Variants in FUCA2 observed in about 807,000 individuals in gnomAD.
FUCA2 encodes the protein plasma alpha-L-fucosidase.
FUCA2 carries 41 observed loss-of-function variants against 52.6 expected under a neutral mutation model. The observed-to-expected ratio is 0.78, with a 90% CI of 0.61 to 1.01. The LOEUF is 1.01. Ranked by LOEUF, FUCA2 falls within the 50% of genes least tolerant of loss-of-function variation. The pLI, the probability that FUCA2 is intolerant of heterozygous loss-of-function variation, is 0.00. For missense variants in FUCA2, 507 were observed against 569.5 expected (o/e 0.89, Z 1.12); for synonymous variants, 211 against 217.3 (o/e 0.97, Z 0.26).
At position 143,502,660 on chromosome 6, in the gene FUCA2, CT is replaced by C. The variant is rs1780547193; in HGVS notation, c.753-96del. On this transcript the variant is annotated intron_variant, in intron 3 of 6. Coordinates refer to ENST00000002165, the MANE Select transcript of FUCA2 (RefSeq NM_032020.5). The surrounding 1 kb of genome is among the most constrained non-coding windows in gnomAD (Gnocchi z 4.1). ...AAAGACATGTAATTGAAATACAATT[CT>C]GAAAAGGGACCATGGCATAGTACAG... The C allele has an allele frequency of 3.7e-6, 4 of 1,070,056 alleles. No homozygotes were observed. Among genetic ancestry groups the C allele is most frequent in the Non-Finnish European group, 5.4e-6 (4 of 738,354 alleles). The allele number at this position is 1,070,056 out of a possible 1,614,324, so 66.3% of individuals were successfully genotyped here. A position where few individuals can be genotyped will look rare whatever the true frequency, so the allele number is the denominator to read the frequency against.
Position 143,497,394 on chromosome 6 carries a change from T to C in FUCA2, c.1258A>G (p.Thr420Ala). 3 of 1,604,984 alleles carry C rather than the reference T, an allele frequency of 1.9e-6. No homozygotes were observed. The highest frequency in any genetic ancestry group is 1.1e-5 in the South Asian group (1 of 90,908). The change falls in exon 6 of 7, where the codon ACA becomes GCA. Residue 420 changes from threonine (T) to alanine (A), a missense_variant. Thr to Ala is a moderately conservative substitution (Grantham distance 58, BLOSUM62 0). Coordinates refer to ENST00000002165, the MANE Select transcript of FUCA2 (RefSeq NM_032020.5). The surrounding 1 kb of genome is among the most constrained non-coding windows in gnomAD (Gnocchi z 5.3). ...LGHPKAILGA[T>A]EVKLLGHGQP... is the part of the protein sequence containing the mutation. Reference sequence around the variant, plus strand: ...AAGGTAAAATTCCCTCTTACCTCTGTTGCCCCCAGAATAGCTTTGGGATGG... The same window carrying C: ...AAGGTAAAATTCCCTCTTACCTCTGCTGCCCCCAGAATAGCTTTGGGATGG...
rs554502913 is a variant in FUCA2, at chr6:143,509,103, T to C, written c.225-1679A>G. 6.6e-6 allele frequency among the ~76,000 whole-genome samples: 1 copy of C among 152,302 alleles called. No homozygotes were observed. Among genetic ancestry groups the C allele is most frequent in the East Asian group, 1.9e-4 (1 of 5,190 alleles). On this transcript the variant is annotated intron_variant, in intron 1 of 6. Coordinates refer to ENST00000002165, the MANE Select transcript of FUCA2 (RefSeq NM_032020.5). The surrounding 1 kb of genome is among the most constrained non-coding windows in gnomAD (Gnocchi z 5.4). ...AGAAAGTTGAACAAGAATAAGGAAT[T>C]TCTCCTAGCATCATCTAATTTGAAC... is the stretch of plus-strand genomic sequence containing the variant.
Position 143,497,138 on chromosome 6 carries a change from A to T in FUCA2, c.1263+251T>A, listed in dbSNP as rs1562662940. The stretch of plus-strand genomic sequence containing the variant: ...CCATGCTCAGCTAACTTTAAAAAAA[A>T]TTTTTGTAGACAGGGGTCTTGCTAT... On this transcript the variant is annotated intron_variant, in intron 6 of 6. Transcript: ENST00000002165. The surrounding 1 kb of genome is among the most constrained non-coding windows in gnomAD (Gnocchi z 5.3). 3 of 393,272 alleles carry T rather than the reference A, an allele frequency of 7.6e-6. No homozygotes were observed. The South Asian group carries it at 8.8e-5, about 12-fold the overall frequency. The allele number at this position is 393,272 out of a possible 1,614,324, so 24.4% of individuals were successfully genotyped here.
rs117472393 is a variant in FUCA2, at chr6:143,502,680, A to G, written c.753-115T>C. On this transcript the variant is annotated intron_variant, in intron 3 of 6. Coordinates refer to ENST00000002165, the MANE Select transcript of FUCA2 (RefSeq NM_032020.5). The surrounding 1 kb of genome is among the most constrained non-coding windows in gnomAD (Gnocchi z 4.1). ...CAATTCTGAAAAGGGACCATGGCAT[A>G]GTACAGTGGAAAGCCCATGGTTTTG... 14,601 of 865,584 alleles carry G rather than the reference A, an allele frequency of 0.017. 593 individuals are homozygous for G. The highest frequency in any genetic ancestry group is 0.099 in the Admixed American group (3,598 of 36,318). The allele number at this position is 865,584 out of a possible 1,614,324, so 53.6% of individuals were successfully genotyped here.
rs895297096 is a variant in FUCA2 at position 143,497,144 on chromosome 6, G to A, written c.1263+245C>T. 2 of 400,200 alleles carry A rather than the reference G, an allele frequency of 5.0e-6. No homozygotes were observed. The highest frequency in any genetic ancestry group is 7.7e-5 in the Admixed American group (2 of 25,864). The allele number at this position is 400,200 out of a possible 1,614,324, so 24.8% of individuals were successfully genotyped here. On this transcript the variant is annotated intron_variant, in intron 6 of 6. Coordinates refer to ENST00000002165, the MANE Select transcript of FUCA2 (RefSeq NM_032020.5). This position sits in a 1 kb window ranked among gnomAD's most constrained non-coding sequence, Gnocchi z 5.3. ...TCAGCTAACTTTAAAAAAAATTTTT[G>A]TAGACAGGGGTCTTGCTATGTTGCC...
At chr6:143,506,113 T>C (rs1780602962) in intron 2 of FUCA2, 1 of 151,616 alleles carries the variant, frequency 6.6e-6, no homozygotes, top group Admixed American at 6.6e-5. Context: ...TATCCTATGA[T>C]CATTCCAGAT....
rs57091762 is a variant in FUCA2 at position 143,510,638 on chromosome 6, C to CAAA, written c.224+770_224+772dup. ...TGGGTGACAGAATGAGACTATGTCT[C>CAAA]AAAAAAAAAAAAAAAAGAATATATT... On this transcript the variant is annotated intron_variant, in intron 1 of 6. Transcript: ENST00000002165. This position sits in a 1 kb window ranked among gnomAD's most constrained non-coding sequence, Gnocchi z 4.4. Among the ~76,000 whole-genome samples the CAAA allele has an allele frequency of 6.1e-4, 47 of 77,116 alleles. No homozygotes were observed. Among genetic ancestry groups the CAAA allele is most frequent in the African/African-American group, 1.9e-3 (45 of 23,316 alleles). 50.6% of individuals were successfully genotyped at this position (77,116 alleles called of 152,430 possible).
At position 143,507,495 on chromosome 6, in the gene FUCA2, C is replaced by T; in HGVS notation, c.225-71G>A. 9.0e-7 allele frequency: 1 copy of T among 1,110,050 alleles called. No individual in the cohort carries two copies. The highest frequency in any genetic ancestry group is 1.6e-5 in the South Asian group (1 of 60,782). The allele number at this position is 1,110,050 out of a possible 1,614,324, so 68.8% of individuals were successfully genotyped here. ...TATTTAAAAGAACTGCTCCAGCTCC[C>T]CTTACCATTTACCCCTCACACAGAT... On this transcript the variant is annotated intron_variant, in intron 1 of 6. Coordinates refer to ENST00000002165, the MANE Select transcript of FUCA2 (RefSeq NM_032020.5). This position sits in a 1 kb window ranked among gnomAD's most constrained non-coding sequence, Gnocchi z 4.5.
Position 143,502,190 on chromosome 6 carries a change from C to G in FUCA2, c.964-68G>C. ...CCATCTTTAATGTGCTAATATGTTGCATTTATATATTTATACATGTATATA... is the reference window on the plus strand; with the variant it reads ...CCATCTTTAATGTGCTAATATGTTGGATTTATATATTTATACATGTATATA... On this transcript the variant is annotated intron_variant, in intron 4 of 6. Coordinates refer to ENST00000002165, the MANE Select transcript of FUCA2 (RefSeq NM_032020.5). The surrounding 1 kb of genome is among the most constrained non-coding windows in gnomAD (Gnocchi z 4.1). 3 of 1,376,240 alleles carry G rather than the reference C, an allele frequency of 2.2e-6. No individual in the cohort carries two copies. In the South Asian group the frequency reaches 4.2e-5, roughly 19 times the overall value. The allele number at this position is 1,376,240 out of a possible 1,614,324, so 85.3% of individuals were successfully genotyped here.
chr6:143,504,142 G>A lies in FUCA2; in HGVS notation c.523C>T (p.Leu175=), dbSNP rs1485833687. 1.2e-6 allele frequency: 2 copies of A among 1,614,050 alleles called. No homozygotes were observed. Among genetic ancestry groups the A allele is most frequent in the Non-Finnish European group, 1.7e-6 (2 of 1,180,040 alleles). The change falls in exon 3 of 7, where the codon CTG becomes TTG. Residue 175 remains leucine, a synonymous_variant. Transcript: ENST00000002165. The surrounding 1 kb of genome is among the most constrained non-coding windows in gnomAD (Gnocchi z 4.4). ...LEVAIRNRTD[L]RFGLYYSLFE... is the part of the protein sequence containing the mutation. ...AGGGAATAGTACAGTCCAAAACGCA[G>A]GTCAGTTCTGTTCCTAATGGCTACC...
intron 1 of FUCA2, among the ~76,000 whole-genome samples, chr6:143,508,922 C>T (rs1245028078): frequency 6.6e-6 from 1 of 152,068 alleles, no homozygotes; most frequent in African/African-American, 2.4e-5. Flanking sequence ...CAGGGTCTTG[C>T]TCCATTACCC....
chr6:143,498,987 A>T (rs926245685), intron 5 of FUCA2, among the ~76,000 whole-genome samples: 3 of 152,274 alleles, frequency 2.0e-5, no homozygotes, highest in Non-Finnish European at 4.4e-5. Flanking sequence ...AGGGGAAACT[A>T]AGGGCTTCAA....
chr6:143,504,309 C>T lies in FUCA2; in HGVS notation c.413-57G>A, dbSNP rs1780571249. ...ATGTCAACTTTATTTTAGTAAATTT[C>T]AACCCACACAAATGCCCAAACAAAT... On this transcript the variant is annotated intron_variant, in intron 2 of 6. Coordinates refer to ENST00000002165, the MANE Select transcript of FUCA2 (RefSeq NM_032020.5). This position sits in a 1 kb window ranked among gnomAD's most constrained non-coding sequence, Gnocchi z 4.4. 7.0e-7 allele frequency: 1 copy of T among 1,426,764 alleles called. No homozygotes were observed. The highest frequency in any genetic ancestry group is 1.4e-5 in the African/African-American group (1 of 70,354). The allele number at this position is 1,426,764 out of a possible 1,614,324, so 88.4% of individuals were successfully genotyped here. A position where few individuals can be genotyped will look rare whatever the true frequency, so the allele number is the denominator to read the frequency against.
At chr6:143,496,919 A>G (rs1780468076) in intron 6 of FUCA2, 1 of 152,750 alleles carries the variant, frequency 6.5e-6, no homozygotes, top group Non-Finnish European at 1.5e-5. Flanking sequence ...GTTTTCTGGG[A>G]AACAAAAAGT....
At position 143,507,395 on chromosome 6, in the gene FUCA2, T is replaced by G; in HGVS notation, c.254A>C (p.Lys85Thr). 1 of 1,601,750 alleles carries G rather than the reference T, an allele frequency of 6.2e-7. No individual in the cohort carries two copies. Among genetic ancestry groups the G allele is most frequent in the Non-Finnish European group, 8.5e-7 (1 of 1,176,962 alleles). ...ATTATCTTTCATAAATTCCACATAC[T>G]TCGGTATCTTTTCCTTTTGCCAATA... ...WWYWQKEKIP[K>T]YVEFMKDNYP... Residue 85 changes from lysine to threonine, a missense_variant, in exon 2 of 7, where the codon AAG becomes ACG. Lys to Thr is a moderately conservative substitution (Grantham distance 78). Transcript: ENST00000002165. The surrounding 1 kb of genome is among the most constrained non-coding windows in gnomAD (Gnocchi z 4.5).
At position 143,504,252 on chromosome 6, in the gene FUCA2, C is replaced by A. The variant is rs1317243238; in HGVS notation, c.413G>T (p.Gly138Val). 5.6e-6 allele frequency: 9 copies of A among 1,603,874 alleles called. No individual in the cohort carries two copies. In the Admixed American group the frequency reaches 1.4e-4, roughly 25 times the overall value. Reference sequence around the variant, plus strand: ...ATATTCTGACCCCCACAAGGTAAAGCCTAGAAAATTATAGTGAAAACCCTT... The same window carrying A: ...ATATTCTGACCCCCACAAGGTAAAGACTAGAAAATTATAGTGAAAACCCTT... The part of the protein sequence containing the change: ...YIVLTSKHHE[G>V]FTLWGSEYSW... Residue 138 changes from glycine to valine, a missense_variant and splice_region_variant, in exon 3 of 7, where the codon GGC becomes GTC. By Grantham distance (109) the Gly-to-Val change is moderately radical (BLOSUM62 -3). Coordinates refer to ENST00000002165, the MANE Select transcript of FUCA2 (RefSeq NM_032020.5). This position sits in a 1 kb window ranked among gnomAD's most constrained non-coding sequence, Gnocchi z 4.4.
In FUCA2 at chr6:143,510,851, G is replaced by A. The variant is rs548259670; in HGVS notation, c.224+560C>T. Among the ~76,000 whole-genome samples, 1 of 152,180 alleles carries A rather than the reference G, an allele frequency of 6.6e-6. No individual in the cohort carries two copies. Among genetic ancestry groups the A allele is most frequent in the South Asian group, 2.1e-4 (1 of 4,818 alleles). On this transcript the variant is annotated intron_variant, in intron 1 of 6. Transcript: ENST00000002165. This position sits in a 1 kb window ranked among gnomAD's most constrained non-coding sequence, Gnocchi z 4.4. ...CCTTTCATACGGCAGTATGATAACT[G>A]GGTTGTGTTAAGAGTACCATTCTAG...
In FUCA2 at chr6:143,507,109, A is replaced by C; in HGVS notation, c.412+128T>G. On this transcript the variant is annotated intron_variant, in intron 2 of 6. Transcript: ENST00000002165. This position sits in a 1 kb window ranked among gnomAD's most constrained non-coding sequence, Gnocchi z 4.5. ...AATGTGCAGTCCCTAAGTCATAAGC[A>C]AGTGCCAGTCACCACTTATGGTTGC... The C allele has an allele frequency of 1.3e-6, 1 of 773,344 alleles. No homozygotes were observed. Among genetic ancestry groups the C allele is most frequent in the Non-Finnish European group, 2.0e-6 (1 of 497,704 alleles). The allele number at this position is 773,344 out of a possible 1,614,324, so 47.9% of individuals were successfully genotyped here. A position where few individuals can be genotyped will look rare whatever the true frequency, so the allele number is the denominator to read the frequency against.
rs201420341 is a variant in FUCA2 at position 143,495,726 on chromosome 6, G to C, written c.1385C>G (p.Ala462Gly). 1.2e-4 allele frequency: 199 copies of C among 1,613,848 alleles called. No homozygotes were observed. The highest frequency in any genetic ancestry group is 1.7e-4 in the Non-Finnish European group (197 of 1,179,954). The change falls in exon 7 of 7, where the codon GCC (alanine) becomes GGC (glycine). Residue 462 changes from alanine (A) to glycine (G), a missense_variant. Coordinates refer to ENST00000002165, the MANE Select transcript of FUCA2 (RefSeq NM_032020.5). This position sits in a 1 kb window ranked among gnomAD's most constrained non-coding sequence, Gnocchi z 5.2. ...QMPCKWGWALALTNVI is the reference protein window; with the variant it reads ...QMPCKWGWALGLTNVI Reference sequence around the variant, plus strand: ...TGCACTTTAGATCACATTAGTCAGGGCTAGAGCCCAGCCCCATTTACACGG... The same window carrying C: ...TGCACTTTAGATCACATTAGTCAGGCCTAGAGCCCAGCCCCATTTACACGG...
Sources: allele counts gnomAD v4.1 joint callset (sites outside exome capture counted in the v4.1 genomes callset), GRCh38; gene constraint gnomAD v4.1.1; non-coding constraint Gnocchi (gnomAD v3.1); transcripts MANE v1.5; gene names NCBI Gene and HGNC (gene_info 2026-07-23, HGNC 2026-07-21).